TOP2A: variants seen among roughly 807,000 people sequenced by gnomAD.
TOP2A encodes DNA topoisomerase II alpha.
TOP2A carries 68 observed loss-of-function variants against 187.2 expected under a neutral mutation model. The ratio of observed to expected loss-of-function variants is 0.36; its 90% CI spans 0.30 to 0.44. The LOEUF (loss-of-function observed/expected upper bound fraction) is 0.44, where lower values mean the gene tolerates loss of function less well. Ranked by LOEUF, TOP2A falls within the 20% of genes least tolerant of loss-of-function variation. The pLI is 1.00. For missense variants in TOP2A, 1,196 were observed against 1,808.7 expected, an observed-to-expected ratio of 0.66 and a Z score of 6.14; for synonymous variants, 542 against 593.2, an observed-to-expected ratio of 0.91 and a Z score of 1.25.
Position 40,400,194 on chromosome 17 carries a change from A to G in TOP2A, c.3000+15T>C. ...ATAAATTGAAACGTGTACATCTCAC[A>G]AAACAAATACATACCATAGAGTTGC... is the stretch of plus-strand genomic sequence containing the variant. On this transcript the variant is annotated intron_variant, in intron 23 of 34. Transcript: ENST00000423485. 4.3e-6 allele frequency: 7 copies of G among 1,613,136 alleles called. No homozygotes were observed. The highest frequency in any genetic ancestry group is 5.9e-6 in the Non-Finnish European group (7 of 1,179,200).
chr17:40,411,721 C>A lies in TOP2A; in HGVS notation c.887G>T (p.Arg296Met). ...ACTCATAGTTAAACACACTTCCCAC[C>A]TGTGGTTTACTTGTTCATGTATTAC... Reference protein sequence around the residue: ...LKVIHEQVNHRWEVCLTMSEK... With the variant: ...LKVIHEQVNHMWEVCLTMSEK... The change falls in exon 8 of 35, where the codon AGG (arginine) becomes ATG (methionine). Residue 296 changes from arginine to methionine, a missense_variant. By Grantham distance (91) the Arg-to-Met change is moderately conservative. Coordinates refer to ENST00000423485, the MANE Select transcript of TOP2A (RefSeq NM_001067.4). The surrounding 1 kb of genome is among the most constrained non-coding windows in gnomAD (Gnocchi z 4.4). 1 of 1,613,296 alleles carries A rather than the reference C, an allele frequency of 6.2e-7. No homozygotes were observed.
At chr17:40,415,420 A>C (rs1327274473) in intron 4 of TOP2A, among the ~76,000 whole-genome samples, 1 of 152,170 alleles carries the variant, frequency 6.6e-6, no homozygotes, top group Non-Finnish European at 1.5e-5. Flanking sequence ...ACTTTGTCAT[A>C]ATCAATCAGA....
chr17:40,399,242 C>A, intron 24 of TOP2A, 111 bp from the exon 25 acceptor site: 1 of 785,836 alleles, frequency 1.3e-6, no homozygotes, highest in South Asian at 1.8e-5. Context: ...TGTCTTCGTG[C>A]TTGCATAAAT....
intron 7 of TOP2A, 117 bp downstream of exon 7, chr17:40,412,642 T>TCAAACAAACAAA (rs367747137): frequency 3.4e-6 from 3 of 888,072 alleles, no homozygotes; most frequent in East Asian, 5.3e-5. Context: ...AGACTCTGTC[T>TCAAACAAACAAA]CAAACAAACA....
intron 20 of TOP2A, 119 bp from the exon 21 acceptor site, chr17:40,401,200 T>C (rs898203859): frequency 1.1e-5 from 9 of 815,146 alleles, no homozygotes; most frequent in African/African-American, 1.0e-4. Flanking sequence ...CTGACTAATA[T>C]ACATTTAACA....
chr17:40,398,071 C>T (rs2035124433), intron 27 of TOP2A, among the ~76,000 whole-genome samples: 1 of 151,586 alleles, frequency 6.6e-6, no homozygotes, highest in Admixed American at 6.6e-5. Flanking sequence ...AGCCACCGCA[C>T]CCGGCCTTGT....
rs1338213270 is a variant in TOP2A, at chr17:40,411,558, T to C, written c.963+87A>G. On this transcript the variant is annotated intron_variant, in intron 8 of 34. Transcript: ENST00000423485. This position sits in a 1 kb window ranked among gnomAD's most constrained non-coding sequence, Gnocchi z 4.4. Reference sequence around the variant, plus strand: ...CCTCCTTTATACTAAGCTAGCCCAATATTCAAGTCCACTTTATATATTAAA... The same window carrying C: ...CCTCCTTTATACTAAGCTAGCCCAACATTCAAGTCCACTTTATATATTAAA... The C allele has an allele frequency of 1.3e-6, 2 of 1,543,376 alleles. No individual in the cohort carries two copies. The highest frequency in any genetic ancestry group is 1.1e-5 in the South Asian group (1 of 88,810).
At chr17:40,404,354 C>T in intron 18 of TOP2A, 23 bp downstream of exon 18, 1 of 1,605,536 alleles carries the variant, frequency 6.2e-7, no homozygotes, top group Non-Finnish European at 8.5e-7. Context: ...ACAATGAAAA[C>T]AGACTAACAA....
Position 40,400,011 on chromosome 17 carries a change from T to C in TOP2A, c.3057A>G (p.Leu1019=). ...TAAGTCTGAGTTCAAAAAAGTCTCT[T>C]AGAATATCCAACACCGTGTCATATT... ...LKKYDTVLDI[L]RDFFELRLKY... is the part of the protein sequence containing the mutation. Residue 1019 remains leucine, a synonymous_variant, in exon 24 of 35, where the codon CTA becomes CTG. Transcript: ENST00000423485. 1 of 1,613,278 alleles carries C rather than the reference T, an allele frequency of 6.2e-7. No individual in the cohort carries two copies. Among genetic ancestry groups the C allele is most frequent in the Non-Finnish European group, 8.5e-7 (1 of 1,179,652 alleles).
At chr17:40,409,491 G>A (rs1021781928) in intron 10 of TOP2A, 2 of 448,094 alleles carry the variant, frequency 4.5e-6, no homozygotes, top group East Asian at 7.2e-5. Context: ...GGGTGCAGTG[G>A]CTTACGCCTG....
intron 7 of TOP2A, among the ~76,000 whole-genome samples, chr17:40,412,247 G>A (rs1280959158): frequency 6.6e-6 from 1 of 152,284 alleles, no homozygotes. Context: ...TATTTTAGGT[G>A]TTTCTTTGAG....
chr17:40,394,199 C>G (rs1365360152), intron 29 of TOP2A, among the ~76,000 whole-genome samples: 1 of 151,952 alleles, frequency 6.6e-6, no homozygotes, highest in Admixed American at 6.6e-5. Context: ...GGAAATGCCC[C>G]TAGATTTTTT....
chr17:40,413,406 C>T (rs1370005381), intron 5 of TOP2A, 74 bp downstream of exon 5: 3 of 1,402,238 alleles, frequency 2.1e-6, no homozygotes, highest in African/African-American at 1.5e-5. Flanking sequence ...TATCTTTAAC[C>T]CTCATGCCAC....
chr17:40,404,990 CTTTTTT>C, intron 16 of TOP2A, 107 bp from the exon 17 acceptor site: 1 of 544,178 alleles, frequency 1.8e-6, no homozygotes, highest in South Asian at 2.2e-5. Context: ...TACTGTTTTC[CTTTTTT>C]TTTTTTTTTG....
rs776471236 is a variant in TOP2A, at chr17:40,406,497, TA to T, written c.1844-5del. The T allele has an allele frequency of 6.2e-6, 10 of 1,612,828 alleles. No homozygotes were observed. Among genetic ancestry groups the T allele is most frequent in the Non-Finnish European group, 7.6e-6 (9 of 1,179,330 alleles). On this transcript the variant is annotated splice_region_variant and splice_polypyrimidine_tract_variant and intron_variant, in intron 15 of 34. Coordinates refer to ENST00000423485, the MANE Select transcript of TOP2A (RefSeq NM_001067.4). Reference sequence around the variant, plus strand: ...TTTGATGTGCTGGTGCCCAAACCTATAAAACCAAAAATACCAAGTTCCTTCA... The same window carrying T: ...TTTGATGTGCTGGTGCCCAAACCTATAAACCAAAAATACCAAGTTCCTTCA...
At position 40,417,858 on chromosome 17, in the gene TOP2A, C is replaced by A; in HGVS notation, c.-67G>T. On this transcript the variant is annotated 5_prime_UTR_variant, in exon 1 of 35. Transcript: ENST00000423485. ...AAACAGGCAGGACCCCACGAGACCA[C>A]CCCCGACCAAGCCGCTTCTCCACAG... 1 of 1,601,624 alleles carries A rather than the reference C, an allele frequency of 6.2e-7. No individual in the cohort carries two copies. The highest frequency in any genetic ancestry group is 1.7e-4 in the Middle Eastern group (1 of 6,042).
At chr17:40,404,991 T>A in intron 16 of TOP2A, 108 bp from the exon 17 acceptor site, 1 of 166,378 alleles carries the variant, frequency 6.0e-6, no homozygotes, top group Non-Finnish European at 1.2e-5. Context: ...ACTGTTTTCC[T>A]TTTTTTTTTT....
chr17:40,409,363 G>A, intron 10 of TOP2A: 1 of 411,522 alleles, frequency 2.4e-6, no homozygotes, highest in South Asian at 1.8e-5. Context: ...GAAACAGTGA[G>A]AAGCTGTCTC....
Position 40,406,304 on chromosome 17 carries a change from T to C in TOP2A, c.1953+80A>G, listed in dbSNP as rs1354605976. ...CTTTTTTTTTTGATACGGAGTCTTA[T>C]ACAAAAATGTAAATGTTTCAACTGG... On this transcript the variant is annotated intron_variant, in intron 16 of 34. Transcript: ENST00000423485. The C allele has an allele frequency of 1.2e-5, 12 of 984,994 alleles. No individual in the cohort carries two copies. The East Asian group carries it at 2.6e-4, about 21-fold the overall frequency. The allele number at this position is 984,994 out of a possible 1,614,324, so 61.0% of individuals were successfully genotyped here. A position where few individuals can be genotyped will look rare whatever the true frequency, so the allele number is the denominator to read the frequency against.
Sources: gnomAD v4.1 joint callset for allele counts (sites outside exome capture counted in the v4.1 genomes callset) on GRCh38, gnomAD v4.1.1 for gene constraint, Gnocchi (gnomAD v3.1) non-coding constraint, MANE v1.5 for transcripts, NCBI Gene and HGNC (gene_info 2026-07-23, HGNC 2026-07-21) for gene names.